The following ANKS1B variants were observed in gnomAD, a reference collection of about 807,000 sequenced individuals.
ANKS1B encodes the protein ankyrin repeat and sterile alpha motif domain containing 1B.
In ANKS1B, 36 loss-of-function variants were observed where a neutral mutation model predicts 148.3. The ratio of observed to expected loss-of-function variants is 0.24; its 90% confidence interval spans 0.19 to 0.32. The LOEUF is 0.32. Ranked by LOEUF, ANKS1B falls within the 10% of genes least tolerant of loss-of-function variation. The pLI, the probability that ANKS1B is intolerant of heterozygous loss-of-function variation, is 1.00. For missense variants in ANKS1B, 1,157 were observed against 1,542.6 expected (o/e 0.75, Z 4.19); for synonymous variants, 542 against 560.8 (o/e 0.97, Z 0.47).
At chr12:98,991,083 T>G (rs1460285354) in intron 17 of ANKS1B, among the ~76,000 whole-genome samples, 1 of 152,218 alleles carries the variant, frequency 6.6e-6, no homozygotes, top group Non-Finnish European at 1.5e-5. Context: ...GAGTAAATAC[T>G]GATGCCAAGG....
intron 17 of ANKS1B, among the ~76,000 whole-genome samples, chr12:99,025,014 C>T (rs1439035265): frequency 6.6e-6 from 1 of 152,186 alleles, no homozygotes; most frequent in African/African-American, 2.4e-5. Flanking sequence ...CTTCTGTCTT[C>T]TGCCACCTGA....
chr12:99,704,373 T>C (rs1056910799), intron 8 of ANKS1B, among the ~76,000 whole-genome samples: 8 of 152,000 alleles, frequency 5.3e-5, no homozygotes, highest in Admixed American at 2.0e-4. Context: ...CATTAAAAAA[T>C]AGAATGAAAT....
At chr12:98,901,449 T>A (rs2099771906) in intron 17 of ANKS1B, among the ~76,000 whole-genome samples, 1 of 152,204 alleles carries the variant, frequency 6.6e-6, no homozygotes, top group South Asian at 2.1e-4. Flanking sequence ...AGGATGGAAA[T>A]GTTTTGGGAA....
rs1237831555 is a variant in ANKS1B, at chr12:99,246,532, G to A, written c.2089C>T (p.Arg697Trp). Residue 697 changes from arginine to tryptophan, a missense_variant, in exon 13 of 27, where the codon CGG becomes TGG. Physicochemically the swap from Arg to Trp is moderately radical, Grantham distance 101. Coordinates refer to ENST00000683438, the MANE Select transcript of ANKS1B (RefSeq NM_001352186.2). The stretch of plus-strand genomic sequence containing the variant: ...TTCATAACCCACTGGTCCCCATTCC[G>A]AGATCCACTCCTGGTTGATCTTGTG... Reference protein sequence around the residue: ...VGTRSTRSGSRNGDQWVMNAG... With the variant: ...VGTRSTRSGSWNGDQWVMNAG... The A allele has an allele frequency of 1.9e-6, 3 of 1,613,748 alleles. No individual in the cohort carries two copies. Among genetic ancestry groups the A allele is most frequent in the Admixed American group, 1.7e-5 (1 of 59,952 alleles).
intron 11 of ANKS1B, among the ~76,000 whole-genome samples, chr12:99,408,765 T>C (rs2094591800): frequency 6.8e-6 from 1 of 146,102 alleles, no homozygotes; most frequent in Non-Finnish European, 1.5e-5. Context: ...ATATTACTGA[T>C]CATATGAGAA....
intron 8 of ANKS1B, among the ~76,000 whole-genome samples, chr12:99,675,778 A>G (rs1170077681): frequency 6.6e-6 from 1 of 152,120 alleles, no homozygotes; most frequent in African/African-American, 2.4e-5. Context: ...ACCATAGAAA[A>G]TAATTAAATT....
At chr12:99,209,620 T>C (rs907284030) in intron 14 of ANKS1B, among the ~76,000 whole-genome samples, 2 of 152,186 alleles carry the variant, frequency 1.3e-5, no homozygotes, top group African/African-American at 4.8e-5. Context: ...ATGCCCAATA[T>C]TGTAACCAGA....
intron 1 of ANKS1B, among the ~76,000 whole-genome samples, chr12:99,868,240 G>T (rs2153724994): frequency 6.6e-6 from 1 of 152,270 alleles, no homozygotes; most frequent in African/African-American, 2.4e-5. Flanking sequence ...AGCTTCAGAA[G>T]AGCTAATTTC....
At position 99,504,512 on chromosome 12, in the gene ANKS1B, A is replaced by G; in HGVS notation, c.1402T>C (p.Ser468Pro). The G allele has an allele frequency of 6.2e-7, 1 of 1,612,564 alleles. No individual in the cohort carries two copies. Among genetic ancestry groups the G allele is most frequent in the Non-Finnish European group, 8.5e-7 (1 of 1,179,432 alleles). The change falls in exon 10 of 27, where the codon TCC (serine) becomes CCC (proline). Residue 468 changes from serine to proline, a missense_variant. By Grantham distance (74) the Ser-to-Pro change is moderately conservative (BLOSUM62 -1). Around this residue, in one of 6 missense-constraint regions of ANKS1B, gnomAD observed 661 missense variants for 642.1 expected, o/e 1.03. Transcript: ENST00000683438. ...GAAGGTGCCCTTGCAATTTCTAAGG[A>G]GCAAGGTTTCTTTGTAACAGCTGTG... ...MDTAVTKKPC[S>P]LEIARAPSPR...
intron 12 of ANKS1B, among the ~76,000 whole-genome samples, chr12:99,339,614 C>A (rs2089565729): frequency 6.6e-6 from 1 of 152,086 alleles, no homozygotes; most frequent in South Asian, 2.1e-4. Context: ...CACTTCTCTC[C>A]CTATTTCTTC....
chr12:99,680,066 C>T (rs2098605294), intron 8 of ANKS1B, among the ~76,000 whole-genome samples: 1 of 152,146 alleles, frequency 6.6e-6, no homozygotes, highest in African/African-American at 2.4e-5. Flanking sequence ...CCTTGGGGAA[C>T]CTGAAAATCC....
At chr12:98,863,023 CTG>C (rs1488575910) in intron 17 of ANKS1B, among the ~76,000 whole-genome samples, 1 of 152,210 alleles carries the variant, frequency 6.6e-6, no homozygotes, top group Non-Finnish European at 1.5e-5. Flanking sequence ...AACAGGCACT[CTG>C]TGTAAAACCC....
chr12:99,308,574 G>A (rs1052157118), intron 12 of ANKS1B, among the ~76,000 whole-genome samples: 10 of 151,928 alleles, frequency 6.6e-5, no homozygotes, highest in African/African-American at 2.4e-4. Context: ...GACAAAGCAA[G>A]TTCTCCCATA....
At chr12:99,884,675 G>A (rs1160283924) in intron 1 of ANKS1B, among the ~76,000 whole-genome samples, 4 of 152,174 alleles carry the variant, frequency 2.6e-5, no homozygotes, top group Non-Finnish European at 5.9e-5. Flanking sequence ...CCATTTATAT[G>A]ACATTCTGGA....
At chr12:99,555,239 C>T (rs189758362) in intron 9 of ANKS1B, among the ~76,000 whole-genome samples, 46 of 152,160 alleles carry the variant, frequency 3.0e-4, no homozygotes, top group Admixed American at 9.2e-4. Context: ...GCCCAACTAC[C>T]GTCCACAATG....
At chr12:98,869,327 G>T (rs1401834454) in intron 17 of ANKS1B, among the ~76,000 whole-genome samples, 2 of 152,130 alleles carry the variant, frequency 1.3e-5, no homozygotes, top group Non-Finnish European at 2.9e-5. Context: ...ACCCATTCAA[G>T]AGTGAGCTGC....
intron 14 of ANKS1B, among the ~76,000 whole-genome samples, chr12:99,203,372 C>G (rs1281824921): frequency 6.6e-6 from 1 of 152,092 alleles, no homozygotes; most frequent in African/African-American, 2.4e-5. Flanking sequence ...AGTCTTTCTT[C>G]TCAAAACTTC....
intron 16 of ANKS1B, among the ~76,000 whole-genome samples, chr12:99,077,891 T>G (rs1432782351): frequency 1.3e-5 from 2 of 152,212 alleles, no homozygotes; most frequent in Non-Finnish European, 2.9e-5. Flanking sequence ...CTCATCATAT[T>G]AAGACATTTC....
At position 99,246,691 on chromosome 12, in the gene ANKS1B, T is replaced by G; in HGVS notation, c.1930A>C (p.Ser644Arg). 2 of 1,613,984 alleles carry G rather than the reference T, an allele frequency of 1.2e-6. No individual in the cohort carries two copies. Among genetic ancestry groups the G allele is most frequent in the South Asian group, 2.2e-5 (2 of 91,080 alleles). Residue 644 changes from serine to arginine, a missense_variant, in exon 13 of 27, where the codon AGT (serine) becomes CGT (arginine). By Grantham distance (110) the Ser-to-Arg change is moderately radical (BLOSUM62 -1). Around this residue, in one of 6 missense-constraint regions of ANKS1B, gnomAD observed 661 missense variants for 642.1 expected, o/e 1.03. Coordinates refer to ENST00000683438, the MANE Select transcript of ANKS1B (RefSeq NM_001352186.2). ...KGQDEVSLAN[S>R]PLPFKQSPIE... The stretch of plus-strand genomic sequence containing the variant: ...GGAGACTGCTTGAAAGGCAAAGGAC[T>G]GTTTGCCAAACTGACTTCATCTTGT...
Sources: gnomAD v4.1 joint callset for allele counts (sites outside exome capture counted in the v4.1 genomes callset) on GRCh38, gnomAD v4.1.1 for gene constraint, gnomAD v4.1.1 regional missense constraint, MANE v1.5 for transcripts, NCBI Gene and HGNC (gene_info 2026-07-23, HGNC 2026-07-21) for gene names.